LCORL: variants seen among roughly 807,000 people sequenced by gnomAD.
The protein encoded by LCORL is ligand dependent nuclear receptor corepressor like.
In LCORL, 41 loss-of-function variants were observed where a neutral mutation model predicts 141.8. The observed-to-expected ratio is 0.29, with a 90% confidence interval of 0.23 to 0.38. The LOEUF is 0.38. Among genes scored for constraint, LCORL ranks in the 10% least tolerant of loss-of-function variants. The pLI is 1.00. For missense variants in LCORL, 1,759 were observed against 2,035.0 expected, an observed-to-expected ratio of 0.86 and a Z score of 2.61; for synonymous variants, 618 against 694.1, an observed-to-expected ratio of 0.89 and a Z score of 1.72.
At chr4:17,943,907 T>C (rs1387287623) in intron 4 of LCORL, among the ~76,000 whole-genome samples, 2 of 152,212 alleles carry the variant, frequency 1.3e-5, no homozygotes, top group East Asian at 1.9e-4. Flanking sequence ...CAAATTTCAT[T>C]TGTTACTCAC....
intron 1 of LCORL, among the ~76,000 whole-genome samples, chr4:17,975,329 G>A (rs891225158): frequency 4.6e-5 from 7 of 151,524 alleles, no homozygotes; most frequent in Admixed American, 6.6e-5. Context: ...TTTACACATA[G>A]GATATAAATG....
chr4:17,940,160 A>ATG (rs1737665091), intron 4 of LCORL, among the ~76,000 whole-genome samples: 1 of 123,048 alleles, frequency 8.1e-6, no homozygotes, highest in Non-Finnish European at 1.8e-5. Flanking sequence ...ATATGTATAT[A>ATG]TATGTATACA....
intron 6 of LCORL, chr4:17,881,639 G>T: frequency 1.0e-6 from 1 of 972,014 alleles, no homozygotes; most frequent in Non-Finnish European, 1.2e-6. Context: ...TCTTTTAAAT[G>T]ATACAAAAGT....
chr4:17,919,579 A>C (rs1733977636), intron 4 of LCORL, among the ~76,000 whole-genome samples: 1 of 152,238 alleles, frequency 6.6e-6, no homozygotes. Flanking sequence ...AGTTATGTTT[A>C]CACTATAGCC....
chr4:17,905,392 G>A (rs1341212815), intron 5 of LCORL, among the ~76,000 whole-genome samples: 2 of 151,904 alleles, frequency 1.3e-5, no homozygotes, highest in African/African-American at 4.8e-5. Flanking sequence ...TGCCTCCTTA[G>A]TCATTATTTA....
At chr4:18,003,711 A>C (rs1344509368) in intron 1 of LCORL, among the ~76,000 whole-genome samples, 2 of 152,208 alleles carry the variant, frequency 1.3e-5, no homozygotes, top group Non-Finnish European at 2.9e-5. Context: ...TTAAGATGTA[A>C]TCACTATATG....
At chr4:17,897,080 T>C (rs997586350) in intron 5 of LCORL, among the ~76,000 whole-genome samples, 1 of 152,120 alleles carries the variant, frequency 6.6e-6, no homozygotes, top group Admixed American at 6.6e-5. Flanking sequence ...TAGCACTCCA[T>C]TGTGTATGTG....
intron 2 of LCORL, among the ~76,000 whole-genome samples, chr4:17,968,624 C>G (rs148790755): frequency 1.3e-5 from 2 of 152,214 alleles, no homozygotes; most frequent in East Asian, 3.9e-4. Flanking sequence ...CATAAACAGC[C>G]AAATAGTAAA....
chr4:17,949,897 G>C (rs1739453999), intron 4 of LCORL, among the ~76,000 whole-genome samples: 1 of 152,068 alleles, frequency 6.6e-6, no homozygotes, highest in African/African-American at 2.4e-5. Context: ...CTGTCAGTGA[G>C]GCTGTAGCAG....
At chr4:17,983,251 C>G (rs35565383) in intron 1 of LCORL, among the ~76,000 whole-genome samples, 35,784 of 152,034 alleles carry the variant, frequency 0.24, 5,339 homozygotes, top group African/African-American at 0.42. Flanking sequence ...TATTCAGGCT[C>G]TTTTTTGGTT....
intron 7 of LCORL, among the ~76,000 whole-genome samples, chr4:17,852,650 T>A (rs139345844): frequency 1.5e-3 from 231 of 152,266 alleles, no homozygotes; most frequent in African/African-American, 5.3e-3. Context: ...AATGGTTACG[T>A]AGGCATCTAA....
exon 7 of LCORL, chr4:17,874,152 A>G: frequency 8.1e-7 from 1 of 1,233,992 alleles, no homozygotes; most frequent in South Asian, 4.1e-5. Flanking sequence ...ATGGTTGTGC[A>G]GCTTTCCCTC....
At chr4:17,959,688 T>C (rs1713396831) in intron 4 of LCORL, among the ~76,000 whole-genome samples, 1 of 152,046 alleles carries the variant, frequency 6.6e-6, no homozygotes, top group Admixed American at 6.6e-5. Flanking sequence ...TTTCTTTGTG[T>C]TTTAGCAAGA....
intron 2 of LCORL, among the ~76,000 whole-genome samples, chr4:17,970,547 C>T (rs1013984149): frequency 3.3e-5 from 5 of 152,158 alleles, no homozygotes; most frequent in African/African-American, 1.2e-4. Flanking sequence ...AGAAATAGAA[C>T]ATAACAGCTG....
At chr4:17,924,053 C>T (rs761935591) in intron 4 of LCORL, among the ~76,000 whole-genome samples, 24 of 151,658 alleles carry the variant, frequency 1.6e-4, no homozygotes, top group Admixed American at 5.2e-4. Context: ...TACCGATTCA[C>T]GGGCTGTAGC....
intron 1 of LCORL, among the ~76,000 whole-genome samples, chr4:18,004,630 C>A (rs1476110477): frequency 1.3e-5 from 2 of 152,114 alleles, no homozygotes; most frequent in Non-Finnish European, 1.5e-5. Flanking sequence ...CCATATCATT[C>A]CACCCTGGCC....
intron 1 of LCORL, among the ~76,000 whole-genome samples, chr4:17,983,926 T>C (rs1454527880): frequency 6.6e-6 from 1 of 152,172 alleles, no homozygotes; most frequent in Non-Finnish European, 1.5e-5. Context: ...GCTCTTATTA[T>C]TTTGAGGTGT....
rs1031260159 is a variant in LCORL, at chr4:17,989,602, C to G, written c.155-16717G>C. Among the ~76,000 whole-genome samples the G allele has an allele frequency of 7.2e-5, 11 of 152,286 alleles. 1 individual carries two copies. The highest frequency in any genetic ancestry group is 6.5e-4 in the Admixed American group (10 of 15,298). On this transcript the variant is annotated intron_variant, in intron 1 of 7. Coordinates refer to ENST00000635767, the Ensembl canonical transcript of LCORL. ...ACAAGCCGCATCAGTAAAAACTTGACTGTGTACCCTCAATATCTTCATATA... is the reference window on the plus strand; with the variant it reads ...ACAAGCCGCATCAGTAAAAACTTGAGTGTGTACCCTCAATATCTTCATATA...
intron 4 of LCORL, among the ~76,000 whole-genome samples, chr4:17,917,466 T>C (rs1733635511): frequency 6.6e-6 from 1 of 152,264 alleles, no homozygotes; most frequent in Admixed American, 6.5e-5. Context: ...GTGCTGGGAT[T>C]ACAGGCATGA....
Sources: gnomAD v4.1 joint callset for allele counts (sites outside exome capture counted in the v4.1 genomes callset) on GRCh38, gnomAD v4.1.1 for gene constraint, MANE v1.5 for transcripts, NCBI Gene and HGNC (gene_info 2026-07-23, HGNC 2026-07-21) for gene names.